The following BLOC1S5 variants were observed in gnomAD, a reference collection of about 807,000 sequenced individuals.
BLOC1S5 encodes biogenesis of lysosomal organelles complex 1 subunit 5, also known as biogenesis of lysosome-related organelles complex 1 subunit 5.
A neutral mutation model predicts 24.3 loss-of-function variants in BLOC1S5; 27 were observed. The ratio of observed to expected loss-of-function variants is 1.11; its 90% CI spans 0.82 to 1.53. The LOEUF (loss-of-function observed/expected upper bound fraction) is 1.53, where lower values mean the gene tolerates loss of function less well. BLOC1S5 is among the 40% of genes most tolerant of loss of function. BLOC1S5 has a pLI of 0.00. For missense variants in BLOC1S5, 239 were observed against 229.4 expected (o/e 1.04, Z -0.27); for synonymous variants, 84 against 74.5 (o/e 1.13, Z -0.66).
At position 8,064,379 on chromosome 6, in the gene BLOC1S5, C is replaced by G. The variant is rs762775927; in HGVS notation, c.-3G>C. 7 of 1,607,076 alleles carry G rather than the reference C, an allele frequency of 4.4e-6. No individual in the cohort carries two copies. The highest frequency in any genetic ancestry group is 3.4e-6 in the Non-Finnish European group (4 of 1,178,696). ...GTCTCTGTCCCTCCGCCACTCATCCCGACCAGTTCCGCCCACCCGCGGCCA... is the reference window on the plus strand; with the variant it reads ...GTCTCTGTCCCTCCGCCACTCATCCGGACCAGTTCCGCCCACCCGCGGCCA... On this transcript the variant is annotated 5_prime_UTR_variant, in exon 1 of 5. Coordinates refer to ENST00000397457, the MANE Select transcript of BLOC1S5 (RefSeq NM_201280.3).
At chr6:8,029,291 GA>G (rs1277392068) in intron 3 of BLOC1S5, among the ~76,000 whole-genome samples, 1 of 152,118 alleles carries the variant, frequency 6.6e-6, no homozygotes, top group Non-Finnish European at 1.5e-5. Flanking sequence ...ACAGAGAAAT[GA>G]AAACACTCTG....
At chr6:8,025,256 C>T (rs1763066022) in intron 4 of BLOC1S5, among the ~76,000 whole-genome samples, 1 of 152,138 alleles carries the variant, frequency 6.6e-6, no homozygotes, top group Non-Finnish European at 1.5e-5. Context: ...ATCGATCATC[C>T]CCTGTGGCAC....
chr6:8,054,365 T>A, intron 2 of BLOC1S5: 1 of 375,288 alleles, frequency 2.7e-6, no homozygotes, highest in Non-Finnish European at 5.2e-6. Flanking sequence ...TATGGTTTAG[T>A]CTTCATTCTG....
chr6:8,038,459 C>T (rs1763563260), intron 3 of BLOC1S5, among the ~76,000 whole-genome samples: 1 of 152,076 alleles, frequency 6.6e-6, no homozygotes, highest in Non-Finnish European at 1.5e-5. Context: ...AATGAAATAG[C>T]ATCTCTAGTT....
intron 3 of BLOC1S5, among the ~76,000 whole-genome samples, chr6:8,030,646 T>C (rs904493572): frequency 6.6e-6 from 1 of 150,402 alleles, no homozygotes; most frequent in East Asian, 2.0e-4. Context: ...CCAAGGCGGG[T>C]GGATCACTTG....
At chr6:8,036,273 A>C (rs1257791525) in intron 3 of BLOC1S5, among the ~76,000 whole-genome samples, 1 of 152,060 alleles carries the variant, frequency 6.6e-6, no homozygotes, top group Non-Finnish European at 1.5e-5. Context: ...AAAAATAGAA[A>C]GACTTCAAAT....
chr6:8,018,906 G>C (rs1314829928), intron 4 of BLOC1S5, among the ~76,000 whole-genome samples: 1 of 152,242 alleles, frequency 6.6e-6, no homozygotes, highest in Non-Finnish European at 1.5e-5. Flanking sequence ...AAGAGCAAGA[G>C]ACTTTCCCCT....
chr6:8,022,568 AT>A (rs35289860), intron 4 of BLOC1S5, among the ~76,000 whole-genome samples: 6,001 of 124,004 alleles, frequency 0.048, 319 homozygotes, highest in Non-Finnish European at 0.067. Flanking sequence ...TTCAAACTCT[AT>A]TTTTTTTTTC....
intron 2 of BLOC1S5, among the ~76,000 whole-genome samples, chr6:8,046,865 T>G (rs1172156675): frequency 6.6e-6 from 1 of 152,014 alleles, no homozygotes; most frequent in Non-Finnish European, 1.5e-5. Flanking sequence ...AGCCTTGAAC[T>G]CCTGGGCTCA....
chr6:8,044,891 G>T (rs900676881), intron 2 of BLOC1S5, among the ~76,000 whole-genome samples: 1 of 152,182 alleles, frequency 6.6e-6, no homozygotes, highest in Non-Finnish European at 1.5e-5. Flanking sequence ...GAGCATAAAA[G>T]TTTGGAAAAT....
chr6:8,028,377 A>C (rs904893711), intron 3 of BLOC1S5, among the ~76,000 whole-genome samples: 4 of 151,888 alleles, frequency 2.6e-5, no homozygotes, highest in Non-Finnish European at 5.9e-5. Flanking sequence ...AAAAAAAAAA[A>C]CAGGAGTTGA....
chr6:8,041,180 C>T lies in BLOC1S5; in HGVS notation c.284G>A (p.Arg95Lys). 1 of 1,611,838 alleles carries T rather than the reference C, an allele frequency of 6.2e-7. No individual in the cohort carries two copies. The highest frequency in any genetic ancestry group is 8.5e-7 in the Non-Finnish European group (1 of 1,179,222). Residue 95 changes from arginine to lysine, a missense_variant, in exon 3 of 5, where the codon AGA (arginine) becomes AAA (lysine). Physicochemically the swap from Arg to Lys is conservative, Grantham distance 26. Coordinates refer to ENST00000397457, the MANE Select transcript of BLOC1S5 (RefSeq NM_201280.3). ...GCTGAGGCTGTCCCGCATTGTGTCTCTACATTTGGGAAGAGTATGTTCATT... is the reference window on the plus strand; with the variant it reads ...GCTGAGGCTGTCCCGCATTGTGTCTTTACATTTGGGAAGAGTATGTTCATT... ...ETNEHTLPKC[R>K]DTMRDSLSQV...
At chr6:8,020,593 AC>A (rs1191385506) in intron 4 of BLOC1S5, among the ~76,000 whole-genome samples, 3 of 152,230 alleles carry the variant, frequency 2.0e-5, no homozygotes, top group Admixed American at 6.5e-5. Flanking sequence ...ATTTGCTGGA[AC>A]AAATCTGGAG....
At chr6:8,019,248 A>G (rs1762839529) in intron 4 of BLOC1S5, among the ~76,000 whole-genome samples, 1 of 150,890 alleles carries the variant, frequency 6.6e-6, no homozygotes, top group Non-Finnish European at 1.5e-5. Context: ...CACTTGTAAT[A>G]GTAACTGCTA....
chr6:8,049,073 A>G (rs371420069), intron 2 of BLOC1S5, among the ~76,000 whole-genome samples: 11 of 125,784 alleles, frequency 8.7e-5, no homozygotes, highest in South Asian at 2.7e-4. Flanking sequence ...AGGGGAGGGG[A>G]GGGGGGAAAG....
intron 3 of BLOC1S5, among the ~76,000 whole-genome samples, chr6:8,032,281 C>T (rs528557338): frequency 2.6e-5 from 4 of 151,944 alleles, no homozygotes; most frequent in Admixed American, 2.0e-4. Context: ...AAAAACAATG[C>T]CATCAAAAAT....
At chr6:8,017,054 C>T (rs777561693) in intron 4 of BLOC1S5, among the ~76,000 whole-genome samples, 19 of 152,002 alleles carry the variant, frequency 1.2e-4, no homozygotes, top group Admixed American at 2.6e-4. Flanking sequence ...AGATAAAATG[C>T]TGTATAAATA....
In BLOC1S5 at chr6:8,064,174, G is replaced by A. The variant is rs1371888559; in HGVS notation, c.112+91C>T. ...CACAAACGCACGCGCGCCAGCCCGG[G>A]ACCCGGGGGTCGGCCCGGGTCAGAG... On this transcript the variant is annotated intron_variant, in intron 1 of 4. Transcript: ENST00000397457. The A allele has an allele frequency of 2.7e-6, 3 of 1,129,150 alleles. No individual in the cohort carries two copies. The African/African-American group carries it at 4.9e-5, about 19-fold the overall frequency. The allele number at this position is 1,129,150 out of a possible 1,614,324, so 69.9% of individuals were successfully genotyped here.
At chr6:8,029,635 G>A (rs1355926021) in intron 3 of BLOC1S5, among the ~76,000 whole-genome samples, 7 of 152,212 alleles carry the variant, frequency 4.6e-5, no homozygotes, top group Non-Finnish European at 8.8e-5. Context: ...TGGCTACTCA[G>A]CACCACCACA....
Sources: gnomAD v4.1 joint callset for allele counts (sites outside exome capture counted in the v4.1 genomes callset) on GRCh38, gnomAD v4.1.1 for gene constraint, MANE v1.5 for transcripts, NCBI Gene and HGNC (gene_info 2026-07-23, HGNC 2026-07-21) for gene names.